SMG6: variants seen among roughly 807,000 people sequenced by gnomAD.
SMG6 encodes SMG6 nonsense mediated mRNA decay factor.
A neutral mutation model predicts 142.2 loss-of-function variants in SMG6; 66 were observed. That is an observed-to-expected ratio of 0.46 (90% CI 0.38 to 0.57). SMG6 has a LOEUF of 0.57. SMG6 is among the 20% of genes least tolerant of loss of function. The pLI, the probability that SMG6 is intolerant of heterozygous loss-of-function variation, is 0.00. For missense variants in SMG6, 1,793 were observed against 1,832.0 expected (o/e 0.98, Z 0.39); for synonymous variants, 779 against 702.4 (o/e 1.11, Z -1.72).
chr17:2,192,954 C>G (rs1022836992), intron 10 of SMG6, among the ~76,000 whole-genome samples: 1 of 152,208 alleles, frequency 6.6e-6, no homozygotes, highest in East Asian at 1.9e-4. Flanking sequence ...CAGAATCAGG[C>G]ACTAATACAC....
At chr17:2,280,076 C>T (rs1395135178) in intron 8 of SMG6, among the ~76,000 whole-genome samples, 1 of 152,088 alleles carries the variant, frequency 6.6e-6, no homozygotes, top group Non-Finnish European at 1.5e-5. Context: ...TTTAATTTCT[C>T]TATCCTCAAT....
intron 6 of SMG6, among the ~76,000 whole-genome samples, chr17:2,288,998 G>T: frequency 6.7e-6 from 1 of 149,732 alleles, no homozygotes; most frequent in East Asian, 2.0e-4. Context: ...AGAATGGCGT[G>T]AACCCGGGAG....
intron 10 of SMG6, among the ~76,000 whole-genome samples, chr17:2,205,046 T>C (rs979728943): frequency 6.6e-6 from 1 of 152,114 alleles, no homozygotes; most frequent in African/African-American, 2.4e-5. Context: ...CAATATACAT[T>C]GTTTGAAACC....
At position 2,167,022 on chromosome 17, in the gene SMG6, C is replaced by T. The variant is rs1001088875; in HGVS notation, c.3357+5636G>A. On this transcript the variant is annotated intron_variant, in intron 13 of 18. Transcript: ENST00000263073. The stretch of plus-strand genomic sequence containing the variant: ...GCGTGCCCCTGTAATCCCAGCTACG[C>T]GGGGGGCTGAGGCAAGAGAATCGTT... Among the ~76,000 whole-genome samples the T allele has an allele frequency of 1.1e-4, 16 of 141,102 alleles. 1 individual carries two copies. In the South Asian group the frequency reaches 1.2e-3, roughly 10 times the overall value. 92.6% of individuals were successfully genotyped at this position (141,102 alleles called of 152,430 possible). A position where few individuals can be genotyped will look rare whatever the true frequency, so the allele number is the denominator to read the frequency against.
At chr17:2,140,749 T>C (rs770003784) in intron 13 of SMG6, among the ~76,000 whole-genome samples, 1 of 151,910 alleles carries the variant, frequency 6.6e-6, no homozygotes, top group East Asian at 1.9e-4. Flanking sequence ...ATTTAGAAAG[T>C]AGTATTCAAT....
At chr17:2,134,387 G>T (rs982021025) in intron 13 of SMG6, among the ~76,000 whole-genome samples, 1 of 132,838 alleles carries the variant, frequency 7.5e-6, no homozygotes, top group African/African-American at 2.9e-5. Flanking sequence ...CTACAACCTG[G>T]GAGCCTGGGC....
At chr17:2,109,331 T>C (rs894744989) in intron 13 of SMG6, among the ~76,000 whole-genome samples, 5 of 152,188 alleles carry the variant, frequency 3.3e-5, no homozygotes, top group Non-Finnish European at 7.4e-5. Context: ...TGGCACAATC[T>C]TGGCTCACTC....
intron 13 of SMG6, among the ~76,000 whole-genome samples, chr17:2,122,744 A>G (rs566293185): frequency 2.6e-5 from 4 of 152,200 alleles, no homozygotes; most frequent in Non-Finnish European, 5.9e-5. Flanking sequence ...TCAAGATACT[A>G]GAGGATCTCA....
At chr17:2,281,575 C>T (rs767662206) in intron 8 of SMG6, among the ~76,000 whole-genome samples, 11 of 152,146 alleles carry the variant, frequency 7.2e-5, no homozygotes, top group African/African-American at 1.9e-4. Context: ...TTGGAACTAC[C>T]GCAGCACCCT....
At chr17:2,100,570 G>GT (rs770880367) in intron 13 of SMG6, among the ~76,000 whole-genome samples, 2 of 152,146 alleles carry the variant, frequency 1.3e-5, no homozygotes, top group Non-Finnish European at 2.9e-5. Context: ...CTTAGAATGT[G>GT]TACTTTTAAA....
At chr17:2,182,283 T>C (rs895025120) in intron 12 of SMG6, among the ~76,000 whole-genome samples, 5 of 152,238 alleles carry the variant, frequency 3.3e-5, no homozygotes, top group Non-Finnish European at 7.3e-5. Flanking sequence ...GAGAAACAGC[T>C]GTCCCCTGGC....
At chr17:2,127,878 G>A (rs890914428) in intron 13 of SMG6, 2 of 563,712 alleles carry the variant, frequency 3.5e-6, no homozygotes, top group Non-Finnish European at 7.0e-6. Flanking sequence ...TCATCTTGGT[G>A]GCCATATCTT....
At chr17:2,106,071 T>C (rs1305370400) in intron 13 of SMG6, among the ~76,000 whole-genome samples, 1 of 152,214 alleles carries the variant, frequency 6.6e-6, no homozygotes. Flanking sequence ...CGCTTGATCT[T>C]GGAGAAGGTA....
At position 2,075,131 on chromosome 17, in the gene SMG6, G is replaced by A. The variant is rs540816080; in HGVS notation, c.3682-6200C>T. On this transcript the variant is annotated intron_variant, in intron 15 of 18. Transcript: ENST00000263073. ...CTCCCACCCTGTCTCCGACAGCCAG[G>A]AGCCAGGCCTGAGTGTCTGCCTTCC... 1.8e-4 allele frequency among the ~76,000 whole-genome samples: 28 copies of A among 152,340 alleles called. 1 individual carries two copies. Among genetic ancestry groups the A allele is most frequent in the South Asian group, 6.2e-4 (3 of 4,830 alleles).
At chr17:2,190,527 C>T (rs950427123) in intron 10 of SMG6, among the ~76,000 whole-genome samples, 1 of 152,244 alleles carries the variant, frequency 6.6e-6, no homozygotes, top group Non-Finnish European at 1.5e-5. Flanking sequence ...ACAAGCTAGA[C>T]TGTCTCTCAG....
chr17:2,235,820 T>C (rs2073635173), intron 10 of SMG6: 1 of 152,566 alleles, frequency 6.6e-6, no homozygotes, highest in Admixed American at 6.5e-5. Context: ...CCTGACCTGG[T>C]CATCAGAACA....
At chr17:2,118,071 C>T (rs2069562291) in intron 13 of SMG6, among the ~76,000 whole-genome samples, 1 of 151,832 alleles carries the variant, frequency 6.6e-6, no homozygotes, top group Admixed American at 6.6e-5. Flanking sequence ...AGTGAGACCC[C>T]ATTTCTATAA....
At position 2,188,490 on chromosome 17, in the gene SMG6, A is replaced by T; in HGVS notation, c.2895T>A (p.Ser965=). 6.2e-7 allele frequency: 1 copy of T among 1,614,156 alleles called. No individual in the cohort carries two copies. Among genetic ancestry groups the T allele is most frequent in the Non-Finnish European group, 8.5e-7 (1 of 1,180,004 alleles). The part of the protein sequence containing the change: ...LKDCFSEECR[S]VIQEQAAALG... ...GAGCTGCGGCTTGTTCCTGGATCACAGAGCGGCACTCCTCCGAGAAGCAGT... is the reference window on the plus strand; with the variant it reads ...GAGCTGCGGCTTGTTCCTGGATCACTGAGCGGCACTCCTCCGAGAAGCAGT... The change falls in exon 11 of 19, where the codon TCT becomes TCA. Residue 965 remains serine (S), a synonymous_variant. Coordinates refer to ENST00000263073, the MANE Select transcript of SMG6 (RefSeq NM_017575.5).
At chr17:2,264,763 A>G (rs1237821847) in intron 8 of SMG6, among the ~76,000 whole-genome samples, 1 of 151,934 alleles carries the variant, frequency 6.6e-6, no homozygotes, top group African/African-American at 2.4e-5. Flanking sequence ...TTAGCTGGGC[A>G]TGGTGGTGTG....
Sources: allele counts gnomAD v4.1 joint callset (sites outside exome capture counted in the v4.1 genomes callset), GRCh38; gene constraint gnomAD v4.1.1; transcripts MANE v1.5; gene names NCBI Gene and HGNC (gene_info 2026-07-23, HGNC 2026-07-21).